The following PNO1 variants were observed in gnomAD, a reference collection of about 807,000 sequenced individuals.
The protein encoded by PNO1 is RNA-binding protein PNO1.
Under a neutral mutation model 28.4 loss-of-function variants are expected in PNO1, and 16 were observed. That is an observed-to-expected ratio of 0.56 (90% CI 0.38 to 0.85). The LOEUF is 0.85. PNO1 is among the 40% of genes least tolerant of loss of function. PNO1 has a pLI of 0.00. For synonymous variants in PNO1, 115 were observed against 110.8 expected (o/e 1.04, Z -0.24); for missense variants, 304 against 312.2 (o/e 0.97, Z 0.20).
chr2:68,174,689 T>C, intron 6 of PNO1, 46 bp from the exon 7 acceptor site: 3 of 1,348,364 alleles, frequency 2.2e-6, no homozygotes, highest in South Asian at 1.2e-5. Context: ...GTAGGCGCTA[T>C]AAATGTGAGT....
rs568189123 is a variant in PNO1, at chr2:68,166,991, G to A, written c.620+4328G>A. On this transcript the variant is annotated intron_variant, in intron 5 of 6. Transcript: ENST00000263657. Reference sequence around the variant, plus strand: ...TCATGATTTCTTGTTTGGCTCTGTCGTAAATCCTGTACTGTCATGCAAAAC... The same window carrying A: ...TCATGATTTCTTGTTTGGCTCTGTCATAAATCCTGTACTGTCATGCAAAAC... 3.3e-5 allele frequency among the ~76,000 whole-genome samples: 5 copies of A among 152,212 alleles called. No homozygotes were observed. In the South Asian group the frequency reaches 6.2e-4, roughly 19 times the overall value.
In PNO1 at chr2:68,173,425, C is replaced by CA. The variant is rs775929856; in HGVS notation, c.691+9dup. ...TTTGCAACCTAATCTTGGGTAATAG[C>CA]AGTTTCTTTCTTTGGTGTTTTCTCT... is the stretch of plus-strand genomic sequence containing the variant. On this transcript the variant is annotated intron_variant, in intron 6 of 6. Coordinates refer to ENST00000263657, the MANE Select transcript of PNO1 (RefSeq NM_020143.4). 6.4e-7 allele frequency: 1 copy of CA among 1,550,398 alleles called. No individual in the cohort carries two copies. Among genetic ancestry groups the CA allele is most frequent in the Non-Finnish European group, 8.9e-7 (1 of 1,122,400 alleles).
intron 5 of PNO1, among the ~76,000 whole-genome samples, chr2:68,171,621 G>C (rs532228473): frequency 1.3e-5 from 2 of 152,226 alleles, no homozygotes; most frequent in Non-Finnish European, 2.9e-5. Context: ...TGGAGGAAGA[G>C]CATTACAGAG....
intron 4 of PNO1, 28 bp downstream of exon 4, chr2:68,162,353 T>C: frequency 6.4e-7 from 1 of 1,559,626 alleles, no homozygotes; most frequent in Non-Finnish European, 8.8e-7. Context: ...TGCGCTCTTG[T>C]GTCGCTGACT....
At chr2:68,164,446 G>C (rs773616694) in intron 5 of PNO1, among the ~76,000 whole-genome samples, 1 of 152,098 alleles carries the variant, frequency 6.6e-6, no homozygotes, top group African/African-American at 2.4e-5. Flanking sequence ...AACCACGATC[G>C]TGCCACTGTA....
At chr2:68,159,642 C>G (rs910006534) in intron 2 of PNO1, among the ~76,000 whole-genome samples, 4 of 152,144 alleles carry the variant, frequency 2.6e-5, no homozygotes, top group African/African-American at 9.7e-5. Flanking sequence ...TTTAAGGATT[C>G]TTTTACCATC....
rs199725910 is a variant in PNO1 at position 68,158,082 on chromosome 2, G to A, written c.148G>A (p.Glu50Lys). 27 of 1,613,394 alleles carry A rather than the reference G, an allele frequency of 1.7e-5. No individual in the cohort carries two copies. In the Admixed American group the frequency reaches 3.0e-4, roughly 18 times the overall value. Residue 50 changes from glutamate to lysine, a missense_variant, in exon 1 of 7, where the codon GAG (glutamate) becomes AAG (lysine). Transcript: ENST00000263657. ...EGGDAGRMDT[E>K]EARPAKRPVF... ...CGGGGATGCGGGCCGCATGGACACAGAGGAGGCCAGGCCGGCGAAGAGGCC... is the reference window on the plus strand; with the variant it reads ...CGGGGATGCGGGCCGCATGGACACAAAGGAGGCCAGGCCGGCGAAGAGGCC...
intron 2 of PNO1, 74 bp downstream of exon 2, chr2:68,158,603 T>C (rs1312534364): frequency 1.1e-5 from 15 of 1,315,218 alleles, no homozygotes; most frequent in Non-Finnish European, 1.5e-5. Flanking sequence ...ATGAATAGGC[T>C]TTACTTAATG....
At chr2:68,165,221 G>A (rs537926176) in intron 5 of PNO1, among the ~76,000 whole-genome samples, 2 of 151,600 alleles carry the variant, frequency 1.3e-5, no homozygotes, top group South Asian at 2.1e-4. Context: ...AAAATTAGCC[G>A]GGCGTAGTGG....
Position 68,176,132 on chromosome 2 carries a change from A to G in PNO1, c.*1330A>G, listed in dbSNP as rs1455670238. 2 of 152,218 alleles carry G rather than the reference A, an allele frequency of 1.3e-5. No individual in the cohort carries two copies. Among genetic ancestry groups the G allele is most frequent in the Non-Finnish European group, 2.9e-5 (2 of 68,024 alleles). The allele number at this position is 152,218 out of a possible 1,614,324, so 9.4% of individuals were successfully genotyped here. On this transcript the variant is annotated 3_prime_UTR_variant, in exon 7 of 7. Coordinates refer to ENST00000263657, the MANE Select transcript of PNO1 (RefSeq NM_020143.4). Reference sequence around the variant, plus strand: ...ATGCTTTTTTCCCACCCAAAAAACTATGCTCTATAAATGCAGATTAGCTAG... The same window carrying G: ...ATGCTTTTTTCCCACCCAAAAAACTGTGCTCTATAAATGCAGATTAGCTAG...
In PNO1 at chr2:68,173,083, C is replaced by CTT. The variant is rs200879340; in HGVS notation, c.621-241_621-240dup. The CTT allele has an allele frequency of 5.3e-3, 588 of 111,894 alleles. 11 individuals carry two copies. The highest frequency in any genetic ancestry group is 0.021 in the African/African-American group (520 of 25,102). 6.9% of individuals were successfully genotyped at this position (111,894 alleles called of 1,614,324 possible). On this transcript the variant is annotated intron_variant, in intron 5 of 6. Coordinates refer to ENST00000263657, the MANE Select transcript of PNO1 (RefSeq NM_020143.4). ...GGAAATGCTTTTTTGTCTACAATGTCTTTTTTTTTTTTTTTTTTTTTTTTA... is the reference window on the plus strand; with the variant it reads ...GGAAATGCTTTTTTGTCTACAATGTCTTTTTTTTTTTTTTTTTTTTTTTTTTA...
intron 5 of PNO1, among the ~76,000 whole-genome samples, chr2:68,170,544 G>A (rs1032787558): frequency 6.6e-6 from 1 of 152,026 alleles, no homozygotes; most frequent in Non-Finnish European, 1.5e-5. Context: ...TCAGGAGATC[G>A]AGACCATCCT....
In PNO1 at chr2:68,161,737, A is replaced by G. The variant is rs755917828; in HGVS notation, c.412A>G (p.Lys138Glu). The G allele has an allele frequency of 6.2e-7, 1 of 1,612,956 alleles. No homozygotes were observed. The highest frequency in any genetic ancestry group is 2.2e-5 in the East Asian group (1 of 44,892). ...SALTKAADFV[K>E]AFILGFQVED... Reference sequence around the variant, plus strand: ...TCTGACAAAAGCAGCTGATTTTGTGAAAGCTTTTATTCTCGGCTTTCAGGT... The same window carrying G: ...TCTGACAAAAGCAGCTGATTTTGTGGAAGCTTTTATTCTCGGCTTTCAGGT... The change falls in exon 3 of 7, where the codon AAA (lysine) becomes GAA (glutamate). Residue 138 changes from lysine (K) to glutamate (E), a missense_variant. Transcript: ENST00000263657.
At position 68,158,465 on chromosome 2, in the gene PNO1, C is replaced by A; in HGVS notation, c.293C>A (p.Pro98His). Reference sequence around the variant, plus strand: ...GAAAACTGGATGAAGATATTTACTCCTATTGTGGAACATTTGGGACTTCAG... The same window carrying A: ...GAAAACTGGATGAAGATATTTACTCATATTGTGGAACATTTGGGACTTCAG... Reference protein sequence around the residue: ...LKENWMKIFTPIVEHLGLQIR... With the variant: ...LKENWMKIFTHIVEHLGLQIR... The change falls in exon 2 of 7, where the codon CCT (proline) becomes CAT (histidine). Residue 98 changes from proline (P) to histidine (H), a missense_variant. Pro to His is a moderately conservative substitution (Grantham distance 77, BLOSUM62 -2). Coordinates refer to ENST00000263657, the MANE Select transcript of PNO1 (RefSeq NM_020143.4). 3 of 1,613,324 alleles carry A rather than the reference C, an allele frequency of 1.9e-6. No homozygotes were observed. The highest frequency in any genetic ancestry group is 2.5e-6 in the Non-Finnish European group (3 of 1,179,290).
At chr2:68,160,765 G>A (rs980290742) in intron 2 of PNO1, among the ~76,000 whole-genome samples, 1 of 152,180 alleles carries the variant, frequency 6.6e-6, no homozygotes, top group Non-Finnish European at 1.5e-5. Flanking sequence ...TTTTACTGAT[G>A]AGAAAACTCA....
chr2:68,170,122 T>G (rs1674088985), intron 5 of PNO1, among the ~76,000 whole-genome samples: 1 of 152,242 alleles, frequency 6.6e-6, no homozygotes, highest in Non-Finnish European at 1.5e-5. Flanking sequence ...ACAGTTTATA[T>G]TAATTATAAT....
intron 6 of PNO1, among the ~76,000 whole-genome samples, chr2:68,174,353 G>A (rs1674215084): frequency 8.2e-6 from 1 of 121,514 alleles, no homozygotes; most frequent in African/African-American, 3.1e-5. Flanking sequence ...TAGGGTTCTA[G>A]ACCCTTTTTC....
rs1246316223 is a variant in PNO1 at position 68,171,073 on chromosome 2, C to T, written c.621-2274C>T. Among the ~76,000 whole-genome samples, 4 of 152,136 alleles carry T rather than the reference C, an allele frequency of 2.6e-5. No individual in the cohort carries two copies. The East Asian group carries it at 7.7e-4, about 29-fold the overall frequency. ...ATTCGTGTTCAGTATTACCTGAAAA[C>T]AGAAATCAGTGCTCAGTGTACTTAT... On this transcript the variant is annotated intron_variant, in intron 5 of 6. Coordinates refer to ENST00000263657, the MANE Select transcript of PNO1 (RefSeq NM_020143.4).
rs542067150 is a variant in PNO1 at position 68,162,034 on chromosome 2, G to T, written c.442-231G>T. Among the ~76,000 whole-genome samples the T allele has an allele frequency of 2.3e-3, 345 of 152,174 alleles. 1 individual carries two copies. The highest frequency in any genetic ancestry group is 6.8e-3 in the Middle Eastern group (2 of 294). ...CATGCCTGCAGTCCCAGCTACTTGG[G>T]AGGCTGAGGTGGGAGAATCACTTGA... On this transcript the variant is annotated intron_variant, in intron 3 of 6. Transcript: ENST00000263657.
Sources: gnomAD v4.1 joint callset for allele counts (sites outside exome capture counted in the v4.1 genomes callset) on GRCh38, gnomAD v4.1.1 for gene constraint, MANE v1.5 for transcripts, NCBI Gene and HGNC (gene_info 2026-07-23, HGNC 2026-07-21) for gene names.